CNTN5: variants seen among roughly 807,000 people sequenced by gnomAD.
The protein encoded by CNTN5 is contactin 5.
In CNTN5, 77 loss-of-function variants were observed where a neutral mutation model predicts 129.1. The ratio of observed to expected loss-of-function variants is 0.60; its 90% CI spans 0.50 to 0.72. The LOEUF (loss-of-function observed/expected upper bound fraction) is 0.72, where lower values mean the gene tolerates loss of function less well. Ranked by LOEUF, CNTN5 falls within the 30% of genes least tolerant of loss-of-function variation. The probability of loss-of-function intolerance (pLI) is 0.00; values close to 1 mark genes in which losing one functional copy is unlikely to be tolerated. For synonymous variants in CNTN5, 509 were observed against 465.6 expected (o/e 1.09, Z -1.20); for missense variants, 1,478 against 1,328.8 (o/e 1.11, Z -1.75).
chr11:99,575,776 G>T (rs1357849764), intron 3 of CNTN5, among the ~76,000 whole-genome samples: 1 of 152,184 alleles, frequency 6.6e-6, no homozygotes, highest in Admixed American at 6.5e-5. Flanking sequence ...AATGCCACCA[G>T]ACAGGAGGAG....
At chr11:100,347,554 T>C (rs1952311525) in intron 23 of CNTN5, among the ~76,000 whole-genome samples, 3 of 152,226 alleles carry the variant, frequency 2.0e-5, no homozygotes, top group Middle Eastern at 6.8e-3. Flanking sequence ...TGAAGCTGAC[T>C]TTTTGGAAAT....
rs549458763 is a variant in CNTN5, at chr11:99,829,371, C to A, written c.277+9606C>A. ...CATACTAGGCAGAGAATTCACATCA[C>A]ATGTTATACTTTGGTCATCCCCAGG... On this transcript the variant is annotated intron_variant, in intron 4 of 24. Transcript: ENST00000524871. Among the ~76,000 whole-genome samples the A allele has an allele frequency of 2.2e-4, 34 of 152,296 alleles. No homozygotes were observed. The East Asian group carries it at 5.8e-3, about 26-fold the overall frequency.
intron 1 of CNTN5, among the ~76,000 whole-genome samples, chr11:99,113,142 C>G (rs559829026): frequency 6.6e-6 from 1 of 152,028 alleles, no homozygotes; most frequent in Non-Finnish European, 1.5e-5. Context: ...ATAGAAGCAT[C>G]ATGCCATCAA....
chr11:99,942,393 A>AG (rs1312175078), intron 7 of CNTN5, among the ~76,000 whole-genome samples: 1 of 152,008 alleles, frequency 6.6e-6, no homozygotes, highest in Non-Finnish European at 1.5e-5. Flanking sequence ...GAGAATGAAA[A>AG]GGGGGAATAT....
chr11:99,149,160 C>G (rs574943024), intron 1 of CNTN5, among the ~76,000 whole-genome samples: 2 of 152,184 alleles, frequency 1.3e-5, no homozygotes, highest in South Asian at 4.1e-4. Context: ...CTCTTGAGAC[C>G]AACGAATGCA....
rs370648625 is a variant in CNTN5 at position 99,817,596 on chromosome 11, G to C, written c.56-1948G>C. Among the ~76,000 whole-genome samples, 30 of 99,632 alleles carry C rather than the reference G, an allele frequency of 3.0e-4. 1 individual carries two copies. Among genetic ancestry groups the C allele is most frequent in the East Asian group, 2.5e-3 (7 of 2,760 alleles). 65.4% of individuals were successfully genotyped at this position (99,632 alleles called of 152,430 possible). The stretch of plus-strand genomic sequence containing the variant: ...TAATTGTTAATACTAGTCTGGGATA[G>C]TTTTTTTTTTTTTTTTTTTTTTTTC... On this transcript the variant is annotated intron_variant, in intron 3 of 24. Transcript: ENST00000524871.
chr11:99,098,033 C>T (rs2135340263), intron 1 of CNTN5, among the ~76,000 whole-genome samples: 1 of 152,082 alleles, frequency 6.6e-6, no homozygotes, highest in African/African-American at 2.4e-5. Context: ...TATCTAGGTT[C>T]TGTTAGAAAA....
At chr11:99,778,084 A>G (rs960572017) in intron 3 of CNTN5, among the ~76,000 whole-genome samples, 3 of 151,802 alleles carry the variant, frequency 2.0e-5, no homozygotes, top group Admixed American at 6.6e-5. Flanking sequence ...TTTTTTTTCA[A>G]CTTATCTTAC....
At chr11:99,748,414 T>G (rs201347976) in intron 3 of CNTN5, among the ~76,000 whole-genome samples, 1 of 151,030 alleles carries the variant, frequency 6.6e-6, no homozygotes, top group African/African-American at 2.4e-5. Flanking sequence ...GAACAATCCA[T>G]AGAGAGAGAG....
intron 18 of CNTN5, among the ~76,000 whole-genome samples, chr11:100,289,930 A>G (rs1950915725): frequency 6.6e-6 from 1 of 151,604 alleles, no homozygotes; most frequent in African/African-American, 2.4e-5. Flanking sequence ...TACAAAATCA[A>G]TGTGCAAAAA....
chr11:99,932,828 T>C (rs768594386), intron 7 of CNTN5, among the ~76,000 whole-genome samples: 1 of 152,220 alleles, frequency 6.6e-6, no homozygotes, highest in Non-Finnish European at 1.5e-5. Flanking sequence ...TCTTCTCTCC[T>C]GGCCCCCTGC....
At chr11:99,148,798 T>C (rs1859909671) in intron 1 of CNTN5, among the ~76,000 whole-genome samples, 1 of 152,134 alleles carries the variant, frequency 6.6e-6, no homozygotes, top group Admixed American at 6.6e-5. Flanking sequence ...TACTCTTCTC[T>C]CCATTCATTC....
At chr11:100,082,891 G>C (rs7116213) in intron 13 of CNTN5, among the ~76,000 whole-genome samples, 6,756 of 152,118 alleles carry the variant, frequency 0.044, 488 homozygotes, top group African/African-American at 0.15. Flanking sequence ...GGTTTAATTG[G>C]CTCACAGTTC....
At chr11:100,323,137 G>A (rs761708381) in intron 21 of CNTN5, among the ~76,000 whole-genome samples, 1 of 152,136 alleles carries the variant, frequency 6.6e-6, no homozygotes, top group Non-Finnish European at 1.5e-5. Flanking sequence ...AACTAAAAAA[G>A]CATACCTAAT....
At chr11:99,583,669 T>G (rs369650630) in intron 3 of CNTN5, among the ~76,000 whole-genome samples, 14 of 152,340 alleles carry the variant, frequency 9.2e-5, no homozygotes, top group African/African-American at 3.1e-4. Context: ...TTAAGCCCGT[T>G]GGAAAAGTGC....
intron 1 of CNTN5, among the ~76,000 whole-genome samples, chr11:99,284,964 G>A (rs766075945): frequency 2.5e-4 from 38 of 151,260 alleles, no homozygotes; most frequent in East Asian, 3.9e-4. Flanking sequence ...AAAATATATC[G>A]GACACTTTTT....
chr11:99,877,669 C>T lies in CNTN5; in HGVS notation c.577+32407C>T, dbSNP rs148712398. 2.6e-5 allele frequency among the ~76,000 whole-genome samples: 4 copies of T among 152,002 alleles called. No homozygotes were observed. The East Asian group carries it at 7.7e-4, about 29-fold the overall frequency. ...TGTAGAAAGGGTAATTTTAACATAA[C>T]AGTCTTAATTGCTTAAAATTACATG... On this transcript the variant is annotated intron_variant, in intron 6 of 24. Coordinates refer to ENST00000524871, the MANE Select transcript of CNTN5 (RefSeq NM_014361.4).
chr11:100,175,068 C>T (rs925503656), intron 13 of CNTN5, among the ~76,000 whole-genome samples: 4 of 152,090 alleles, frequency 2.6e-5, no homozygotes, highest in East Asian at 1.9e-4. Flanking sequence ...GTAGGAAACA[C>T]GTGTCTTATC....
intron 3 of CNTN5, among the ~76,000 whole-genome samples, chr11:99,578,368 G>A (rs1949440160): frequency 6.7e-6 from 1 of 148,358 alleles, no homozygotes; most frequent in Admixed American, 6.8e-5. Flanking sequence ...TGGGTCAAAT[G>A]GTATTTCTAG....
Sources: allele counts gnomAD v4.1 joint callset (sites outside exome capture counted in the v4.1 genomes callset), GRCh38; gene constraint gnomAD v4.1.1; transcripts MANE v1.5; gene names NCBI Gene and HGNC (gene_info 2026-07-23, HGNC 2026-07-21).